DHX15: variants seen among roughly 807,000 people sequenced by gnomAD.
DHX15 encodes DEAH-box helicase 15.
In DHX15, 11 loss-of-function variants were observed where a neutral mutation model predicts 94.4. That is an observed-to-expected ratio of 0.12 (90% CI 0.07 to 0.19). DHX15 has a LOEUF of 0.19. DHX15 is among the 10% of genes least tolerant of loss of function. DHX15 has a pLI of 1.00. For synonymous variants in DHX15, 338 were observed against 329.9 expected (o/e 1.02, Z -0.27); for missense variants, 304 against 988.5 (o/e 0.31, Z 9.29).
At chr4:24,540,630 CATA>C (rs1258918384) in intron 9 of DHX15, among the ~76,000 whole-genome samples, 4 of 140,062 alleles carry the variant, frequency 2.9e-5, no homozygotes, top group Non-Finnish European at 6.4e-5. Context: ...CAAACCCCCC[CATA>C]ATAACTTTTG....
intron 1 of DHX15, among the ~76,000 whole-genome samples, chr4:24,582,766 GTA>G (rs1722445396): frequency 6.6e-6 from 1 of 152,112 alleles, no homozygotes; most frequent in Non-Finnish European, 1.5e-5. Context: ...TTGGAGCCGC[GTA>G]TAGTCTTTTT....
chr4:24,530,662 A>G (rs1245560703), intron 12 of DHX15: 1 of 149,998 alleles, frequency 6.7e-6, no homozygotes, highest in Non-Finnish European at 1.5e-5. Flanking sequence ...TAACCTACAA[A>G]GACAGGAAAA....
At chr4:24,583,929 G>A (rs902613510) in intron 1 of DHX15, among the ~76,000 whole-genome samples, 1 of 152,112 alleles carries the variant, frequency 6.6e-6, no homozygotes, top group African/African-American at 2.4e-5. Context: ...CCTTGGAAGC[G>A]AATACTCCCA....
chr4:24,565,843 C>T (rs1297032889), intron 3 of DHX15, among the ~76,000 whole-genome samples: 1 of 152,132 alleles, frequency 6.6e-6, no homozygotes, highest in Non-Finnish European at 1.5e-5. Context: ...ACACAGACAA[C>T]TATACCTGAT....
rs188548759 is a variant in DHX15 at position 24,568,705 on chromosome 4, C to G, written c.701+1949G>C. On this transcript the variant is annotated intron_variant, in intron 3 of 13. Transcript: ENST00000336812. ...TGTGGCTTACCAAAAAAATTCAATG[C>G]AATGTGAATCAAGTCAGAATAATGA... 3.5e-4 allele frequency among the ~76,000 whole-genome samples: 53 copies of G among 152,268 alleles called. No homozygotes were observed. In the East Asian group the frequency reaches 8.7e-3, roughly 25 times the overall value.
At chr4:24,572,015 CG>C (rs1022361350) in intron 2 of DHX15, among the ~76,000 whole-genome samples, 4 of 152,148 alleles carry the variant, frequency 2.6e-5, no homozygotes, top group African/African-American at 9.7e-5. Context: ...ATCCTCAATT[CG>C]GCAACCCTTT....
In DHX15 at chr4:24,581,442, T is replaced by C. The variant is rs146197105; in HGVS notation, c.71+2881A>G. Reference sequence around the variant, plus strand: ...TTGATCCCACTGATATTAAATTTTATAGTTCATATTTTTGAGTCAATATGC... The same window carrying C: ...TTGATCCCACTGATATTAAATTTTACAGTTCATATTTTTGAGTCAATATGC... On this transcript the variant is annotated intron_variant, in intron 1 of 13. Coordinates refer to ENST00000336812, the MANE Select transcript of DHX15 (RefSeq NM_001358.3). Among the ~76,000 whole-genome samples, 700 of 152,372 alleles carry C rather than the reference T, an allele frequency of 4.6e-3. 7 individuals are homozygous for C. Among genetic ancestry groups the C allele is most frequent in the African/African-American group, 0.016 (681 of 41,586 alleles).
chr4:24,528,913 C>CAAA (rs201161526), intron 13 of DHX15, among the ~76,000 whole-genome samples: 17 of 147,896 alleles, frequency 1.1e-4, no homozygotes, highest in African/African-American at 3.2e-4. Context: ...CAAAACAAAA[C>CAAA]AAAAAAAAAC....
chr4:24,539,361 T>C (rs1721260105), intron 10 of DHX15, among the ~76,000 whole-genome samples: 1 of 152,192 alleles, frequency 6.6e-6, no homozygotes, highest in Non-Finnish European at 1.5e-5. Flanking sequence ...TATTTTTAGC[T>C]GTAAGAATAG....
intron 10 of DHX15, chr4:24,538,549 A>C (rs1371205896): frequency 6.6e-6 from 1 of 152,110 alleles, no homozygotes; most frequent in East Asian, 1.9e-4. Flanking sequence ...TTCAAAAACT[A>C]TTTTAATGTC....
rs760792099 is a variant in DHX15, at chr4:24,548,896, G to C, written c.1207C>G (p.Pro403Ala). ...CCATTCTGTTTTTTGGGAGGTGGAG[G>C]CTCAAAAATGCGTTGCTGCTGCTGA... Reference protein sequence around the residue: ...PPQQQQRIFEPPPPKKQNGAI... With the variant: ...PPQQQQRIFEAPPPKKQNGAI... Residue 403 changes from proline to alanine, a missense_variant, in exon 6 of 14, where the codon CCT (proline) becomes GCT (alanine). Physicochemically the swap from Pro to Ala is conservative, Grantham distance 27. Transcript: ENST00000336812. 2.9e-5 allele frequency: 47 copies of C among 1,613,050 alleles called. No homozygotes were observed. The highest frequency in any genetic ancestry group is 3.9e-5 in the Non-Finnish European group (46 of 1,179,488).
At chr4:24,574,083 G>C (rs187850357) in intron 2 of DHX15, among the ~76,000 whole-genome samples, 3,068 of 150,816 alleles carry the variant, frequency 0.02, 62 homozygotes, top group South Asian at 0.028. Flanking sequence ...GTGCGCGCTT[G>C]TAGTCCCAGC....
intron 2 of DHX15, among the ~76,000 whole-genome samples, chr4:24,571,236 C>T (rs556765069): frequency 6.6e-6 from 1 of 152,228 alleles, no homozygotes; most frequent in South Asian, 2.1e-4. Flanking sequence ...GGAAATCATA[C>T]CCCCTTGTAA....
chr4:24,542,399 T>C (rs900955271), intron 7 of DHX15, among the ~76,000 whole-genome samples: 5 of 152,286 alleles, frequency 3.3e-5, no homozygotes, highest in South Asian at 2.1e-4. Context: ...TATTACTCTG[T>C]TACTGTTTAA....
At chr4:24,570,568 T>C (rs1186877638) in intron 3 of DHX15, 86 bp downstream of exon 3, 8 of 1,244,644 alleles carry the variant, frequency 6.4e-6, no homozygotes, top group Non-Finnish European at 9.2e-6. Context: ...TTGGATGACA[T>C]AAGCCTGCAC....
At chr4:24,573,612 T>A (rs372804682) in intron 2 of DHX15, among the ~76,000 whole-genome samples, 34 of 149,370 alleles carry the variant, frequency 2.3e-4, no homozygotes, top group Admixed American at 2.1e-3. Flanking sequence ...TAGACAGGAG[T>A]TTTTTTAAAA....
At chr4:24,555,385 T>C (rs1721707380) in intron 4 of DHX15, among the ~76,000 whole-genome samples, 1 of 152,130 alleles carries the variant, frequency 6.6e-6, no homozygotes, top group Non-Finnish European at 1.5e-5. Flanking sequence ...ATTTCTACTT[T>C]CAGGTTCTCA....
intron 12 of DHX15, among the ~76,000 whole-genome samples, chr4:24,532,205 T>C (rs1476741682): frequency 6.6e-6 from 1 of 152,256 alleles, no homozygotes; most frequent in African/African-American, 2.4e-5. Flanking sequence ...TCTGTTCTTA[T>C]AGCCGTTAAC....
rs928088929 is a variant in DHX15 at position 24,584,406 on chromosome 4, C to T, written c.-13G>A. The T allele has an allele frequency of 3.1e-6, 5 of 1,610,314 alleles. No individual in the cohort carries two copies. Among genetic ancestry groups the T allele is most frequent in the Non-Finnish European group, 4.2e-6 (5 of 1,178,538 alleles). On this transcript the variant is annotated 5_prime_UTR_variant, in exon 1 of 14. Transcript: ENST00000336812. ...GCCGCTTGGACATCCTCGCACTCTT[C>T]GAACGGGCAGTTATTAAGGAAGAAA...
Sources: allele counts gnomAD v4.1 joint callset (sites outside exome capture counted in the v4.1 genomes callset), GRCh38; gene constraint gnomAD v4.1.1; transcripts MANE v1.5; gene names NCBI Gene and HGNC (gene_info 2026-07-23, HGNC 2026-07-21).